The following GALNT13 variants were observed in gnomAD, a reference collection of about 807,000 sequenced individuals.
GALNT13 encodes the protein polypeptide N-acetylgalactosaminyltransferase 13.
A neutral mutation model predicts 64.2 loss-of-function variants in GALNT13; 28 were observed. That is an observed-to-expected ratio of 0.44 (90% CI 0.32 to 0.60). The LOEUF is 0.60. Ranked by LOEUF, GALNT13 falls within the 20% of genes least tolerant of loss-of-function variation. GALNT13 has a pLI of 0.05. For missense variants in GALNT13, 577 were observed against 669.8 expected (o/e 0.86, Z 1.53); for synonymous variants, 214 against 224.6 (o/e 0.95, Z 0.42).
chr2:153,918,766 G>A (rs943249143), intron 2 of GALNT13, among the ~76,000 whole-genome samples: 5 of 152,048 alleles, frequency 3.3e-5, no homozygotes, highest in Admixed American at 1.3e-4. Flanking sequence ...CATTAAACAT[G>A]TAAAAATATC....
chr2:153,160,789 TG>T, the GALNT13 span, among the ~76,000 whole-genome samples: 40 of 152,284 alleles, frequency 2.6e-4, no homozygotes, highest in African/African-American at 9.1e-4. Flanking sequence ...AATATCATAG[TG>T]GTATCCTTGG....
rs199854991 is a variant in GALNT13 at position 154,339,700 on chromosome 2, T to TA, written c.1156+38112dup. 9.6e-3 allele frequency among the ~76,000 whole-genome samples: 1,456 copies of TA among 152,242 alleles called. 23 individuals carry two copies. The highest frequency in any genetic ancestry group is 0.033 in the African/African-American group (1,372 of 41,556). ...TTAGTGACAATGGATAGTAAATGAT[T>TA]AGGTTTTTTTCAATTATTTAAATTC... On this transcript the variant is annotated intron_variant, in intron 9 of 12. Coordinates refer to ENST00000392825, the MANE Select transcript of GALNT13 (RefSeq NM_052917.4).
chr2:154,002,826 C>T (rs1204608636), intron 3 of GALNT13, among the ~76,000 whole-genome samples: 5 of 152,086 alleles, frequency 3.3e-5, no homozygotes, highest in Admixed American at 2.6e-4. Context: ...ATCATGGGCC[C>T]GTTTGTTGCT....
intron 3 of GALNT13, among the ~76,000 whole-genome samples, chr2:154,012,932 G>A (rs1170025326): frequency 2.0e-5 from 3 of 151,686 alleles, no homozygotes; most frequent in Non-Finnish European, 4.4e-5. Flanking sequence ...TCTTAAAACG[G>A]CCATTTCTTC....
chr2:154,342,629 A>G (rs1165519857), intron 9 of GALNT13, among the ~76,000 whole-genome samples: 1 of 152,016 alleles, frequency 6.6e-6, no homozygotes, highest in Non-Finnish European at 1.5e-5. Flanking sequence ...ACACATGCTT[A>G]TTTGTTTCTG....
the GALNT13 span, among the ~76,000 whole-genome samples, chr2:153,069,209 T>C: frequency 2.0e-5 from 3 of 152,214 alleles, no homozygotes; most frequent in Admixed American, 2.0e-4. Context: ...TCCCCTGGTT[T>C]ACACATTGCT....
At chr2:153,713,876 T>C in the GALNT13 span, among the ~76,000 whole-genome samples, 1 of 152,150 alleles carries the variant, frequency 6.6e-6, no homozygotes, top group Non-Finnish European at 1.5e-5. Context: ...GCCACTTAGA[T>C]CTCAAACTCC....
At chr2:153,987,800 A>G (rs1048215626) in intron 3 of GALNT13, among the ~76,000 whole-genome samples, 2 of 151,846 alleles carry the variant, frequency 1.3e-5, no homozygotes, top group Non-Finnish European at 2.9e-5. Flanking sequence ...GCATCTTTGC[A>G]GAGAAGGATG....
At chr2:153,825,355 A>G in the GALNT13 span, among the ~76,000 whole-genome samples, 1 of 152,244 alleles carries the variant, frequency 6.6e-6, no homozygotes, top group East Asian at 1.9e-4. Flanking sequence ...AAACAGTGGT[A>G]GGAAGGAGAT....
the GALNT13 span, among the ~76,000 whole-genome samples, chr2:153,366,988 TAAAG>T: frequency 3.6e-4 from 50 of 138,792 alleles, no homozygotes; most frequent in African/African-American, 1.2e-3. Flanking sequence ...GAACATAAAA[TAAAG>T]ACTTTCTCAA....
At chr2:153,478,413 C>T in the GALNT13 span, 3 of 1,614,126 alleles carry the variant, frequency 1.9e-6, no homozygotes, top group Non-Finnish European at 2.5e-6. Flanking sequence ...GCATTATGTA[C>T]AGGCTACGCT....
the GALNT13 span, among the ~76,000 whole-genome samples, chr2:153,439,635 C>T: frequency 6.6e-6 from 1 of 152,192 alleles, no homozygotes; most frequent in Non-Finnish European, 1.5e-5. Context: ...GGGATATAAT[C>T]TCCTGGTGTG....
intron 3 of GALNT13, among the ~76,000 whole-genome samples, chr2:154,046,456 A>G (rs1574405082): frequency 6.6e-6 from 1 of 152,162 alleles, no homozygotes; most frequent in Non-Finnish European, 1.5e-5. Flanking sequence ...GCTATTTATC[A>G]TGTAGCTATC....
the GALNT13 span, among the ~76,000 whole-genome samples, chr2:153,224,890 C>G: frequency 2.0e-5 from 3 of 152,158 alleles, no homozygotes; most frequent in Non-Finnish European, 4.4e-5. Flanking sequence ...GATGACTTCA[C>G]AGTCAAAGCT....
intron 11 of GALNT13, among the ~76,000 whole-genome samples, chr2:154,418,868 T>G (rs1299683012): frequency 1.3e-5 from 2 of 152,126 alleles, no homozygotes; most frequent in Non-Finnish European, 2.9e-5. Context: ...TCTAAACATG[T>G]TGTGATAGCT....
chr2:153,708,942 C>G, the GALNT13 span, among the ~76,000 whole-genome samples: 1 of 151,982 alleles, frequency 6.6e-6, no homozygotes, highest in Admixed American at 6.6e-5. Context: ...ATGCAGAAGA[C>G]TGAAATTGGG....
the GALNT13 span, among the ~76,000 whole-genome samples, chr2:153,770,256 A>G: frequency 7.0e-6 from 1 of 142,616 alleles, no homozygotes; most frequent in Non-Finnish European, 1.5e-5. Flanking sequence ...GAAATTTCCC[A>G]CCCTACCCCT....
chr2:154,366,808 C>T (rs1471891968), intron 9 of GALNT13, among the ~76,000 whole-genome samples: 4 of 152,072 alleles, frequency 2.6e-5, no homozygotes, highest in Admixed American at 1.3e-4. Flanking sequence ...AGTATAGTTA[C>T]ACAAAAAAGC....
the GALNT13 span, among the ~76,000 whole-genome samples, chr2:153,091,936 T>A: frequency 0.2 from 29,979 of 152,096 alleles, 3,299 homozygotes; most frequent in Non-Finnish European, 0.25. Context: ...GTCCTGGAGA[T>A]TTTTCCCAAT....
Sources: allele counts gnomAD v4.1 joint callset (sites outside exome capture counted in the v4.1 genomes callset), GRCh38; gene constraint gnomAD v4.1.1; transcripts MANE v1.5; gene names NCBI Gene and HGNC (gene_info 2026-07-23, HGNC 2026-07-21).